Variants in RPGRIP1 observed in about 807,000 individuals in gnomAD.
RPGRIP1 encodes RPGR interacting protein 1.
Under a neutral mutation model 157.9 loss-of-function variants are expected in RPGRIP1, and 128 were observed. That is an observed-to-expected ratio of 0.81 (90% CI 0.70 to 0.94). The LOEUF (loss-of-function observed/expected upper bound fraction) is 0.94. Among genes scored for constraint, RPGRIP1 ranks in the 40% least tolerant of loss-of-function variants. The pLI is 0.00. For synonymous variants in RPGRIP1, 554 were observed against 571.6 expected, an observed-to-expected ratio of 0.97 and a Z score of 0.44; for missense variants, 1,486 against 1,545.8, an observed-to-expected ratio of 0.96 and a Z score of 0.65.
At chr14:21,301,629 A>G (rs1425704158) in intron 4 of RPGRIP1, among the ~76,000 whole-genome samples, 1 of 151,214 alleles carries the variant, frequency 6.6e-6, no homozygotes, top group African/African-American at 2.4e-5. Context: ...GTGAGCTGAG[A>G]TTGCACCACT....
intron 1 of RPGRIP1, 107 bp from the exon 2 acceptor site, chr14:21,287,832 A>G: frequency 1.6e-6 from 1 of 607,432 alleles, no homozygotes; most frequent in South Asian, 2.2e-5. Context: ...CTGACATGTC[A>G]TATACCATCA....
chr14:21,294,557 C>A, intron 2 of RPGRIP1, 120 bp from the exon 3 acceptor site: 1 of 1,007,926 alleles, frequency 9.9e-7, no homozygotes, highest in Non-Finnish European at 1.5e-6. Flanking sequence ...TCCTGATTTC[C>A]TCATAAATAC....
intron 1 of RPGRIP1, among the ~76,000 whole-genome samples, chr14:21,284,827 C>T (rs1594367550): frequency 6.6e-6 from 1 of 152,100 alleles, no homozygotes; most frequent in South Asian, 2.1e-4. Context: ...ACTGCGAATA[C>T]AGGCGTGAAC....
chr14:21,290,631 C>T (rs1228543119), intron 2 of RPGRIP1, among the ~76,000 whole-genome samples: 2 of 152,018 alleles, frequency 1.3e-5, no homozygotes, highest in South Asian at 2.1e-4. Context: ...CTGGCTAACA[C>T]AGTGAAACCT....
In RPGRIP1 at chr14:21,301,098, G is replaced by A; in HGVS notation, c.351G>A (p.Gln117=). The A allele has an allele frequency of 6.2e-7, 1 of 1,611,858 alleles. No homozygotes were observed. Among genetic ancestry groups the A allele is most frequent in the Non-Finnish European group, 8.5e-7 (1 of 1,179,036 alleles). Residue 117 remains glutamine, a synonymous_variant, in exon 4 of 25, where the codon CAG becomes CAA. Transcript: ENST00000400017. ...AGWRQRLSMH[Q]RPQMHRLQGH... ...GGCGGCAGCGCCTCTCCATGCACCA[G>A]CGCCCCCAGATGCACCGACTGCAAG... is the stretch of plus-strand genomic sequence containing the variant.
chr14:21,300,555 T>C (rs1459094069), intron 3 of RPGRIP1, among the ~76,000 whole-genome samples: 1 of 152,072 alleles, frequency 6.6e-6, no homozygotes, highest in Non-Finnish European at 1.5e-5. Context: ...ACAAGTGGGA[T>C]AGAAAAAGCA....
At chr14:21,335,015 C>T (rs530083956) in intron 21 of RPGRIP1, among the ~76,000 whole-genome samples, 8 of 137,962 alleles carry the variant, frequency 5.8e-5, no homozygotes, top group East Asian at 2.1e-4. Context: ...CATTGCACTC[C>T]GGCCTGGGCA....
Position 21,307,744 on chromosome 14 carries a change from G to A in RPGRIP1, c.814G>A (p.Glu272Lys). 1 of 1,560,880 alleles carries A rather than the reference G, an allele frequency of 6.4e-7. No individual in the cohort carries two copies. Among genetic ancestry groups the A allele is most frequent in the Admixed American group, 1.9e-5 (1 of 52,044 alleles). The change falls in exon 7 of 25, where the codon GAG becomes AAG. Residue 272 changes from glutamate (E) to lysine (K), a missense_variant. Transcript: ENST00000400017. ...CTTTCTCTGCAGAGCTTCCATTAAA[G>A]AGAAGGTAGAGCTGATTCGACTTAA... is the stretch of plus-strand genomic sequence containing the variant. ...KAAELRASIKEKVELIRLKKL... is the reference protein window; with the variant it reads ...KAAELRASIKKKVELIRLKKL...
rs1256723060 is a variant in RPGRIP1 at position 21,328,627 on chromosome 14, G to A, written c.3099G>A (p.Glu1033=). 3.1e-6 allele frequency: 5 copies of A among 1,603,072 alleles called. No individual in the cohort carries two copies. The South Asian group carries it at 4.4e-5, about 14-fold the overall frequency. ...SLNILNGNTP[E]QVNYTEWKFS... is the part of the protein sequence containing the mutation. Reference sequence around the variant, plus strand: ...ACATCTTAAATGGAAATACACCAGAGGTAAGACCTTAAAAACTCTGAAGCA... The same window carrying A: ...ACATCTTAAATGGAAATACACCAGAAGTAAGACCTTAAAAACTCTGAAGCA... The change falls in exon 19 of 25, where the codon GAG becomes GAA. Residue 1033 remains glutamate, a splice_region_variant and synonymous_variant. Transcript: ENST00000400017.
At chr14:21,316,889 G>A (rs1215922306) in intron 10 of RPGRIP1, among the ~76,000 whole-genome samples, 1 of 152,118 alleles carries the variant, frequency 6.6e-6, no homozygotes, top group Non-Finnish European at 1.5e-5. Flanking sequence ...GGAGGCCGAG[G>A]CAGGTGGATC....
chr14:21,344,801 C>T (rs1383753808), intron 22 of RPGRIP1, among the ~76,000 whole-genome samples: 1 of 152,064 alleles, frequency 6.6e-6, no homozygotes, highest in Admixed American at 6.6e-5. Context: ...CAAAAATTAG[C>T]CGGGCATGGT....
chr14:21,318,580 A>C (rs953041799), intron 11 of RPGRIP1, among the ~76,000 whole-genome samples: 2 of 152,038 alleles, frequency 1.3e-5, no homozygotes, highest in Admixed American at 6.6e-5. Context: ...GGTTCAAGAG[A>C]TTCTCCTGCC....
At chr14:21,348,344 T>C (rs1374063497) in intron 24 of RPGRIP1, 42 bp downstream of exon 24, 1 of 1,437,862 alleles carries the variant, frequency 7.0e-7, no homozygotes. Context: ...TCCAAGGAAA[T>C]CATCCTAATA....
chr14:21,329,792 G>C (rs536666527), intron 19 of RPGRIP1, among the ~76,000 whole-genome samples: 1 of 149,928 alleles, frequency 6.7e-6, no homozygotes, highest in Non-Finnish European at 1.5e-5. Flanking sequence ...CACCATGCCC[G>C]GCCAACGAGT....
rs118186360 is a variant in RPGRIP1, at chr14:21,291,192, A to G, written c.85+3131A>G. ...GTTTTGCCAATTTTTAAATTGGATT[A>G]TTTGTCTTTATATTGTTGGTTTTAA... On this transcript the variant is annotated intron_variant, in intron 2 of 24. Transcript: ENST00000400017. Among the ~76,000 whole-genome samples, 1,205 of 151,958 alleles carry G rather than the reference A, an allele frequency of 7.9e-3. 11 individuals are homozygous for G. The highest frequency in any genetic ancestry group is 0.011 in the Non-Finnish European group (768 of 67,962).
At chr14:21,300,705 C>CTTTTTTTTTTTT (rs918137131) in intron 3 of RPGRIP1, among the ~76,000 whole-genome samples, 1 of 73,502 alleles carries the variant, frequency 1.4e-5, no homozygotes, top group Non-Finnish European at 2.5e-5. Context: ...AGTGGCTCAA[C>CTTTTTTTTTTTT]TTTTTTTTTT....
intron 21 of RPGRIP1, among the ~76,000 whole-genome samples, chr14:21,338,284 C>G (rs1440962251): frequency 6.6e-6 from 1 of 152,166 alleles, no homozygotes; most frequent in African/African-American, 2.4e-5. Context: ...TCCCAGATTA[C>G]TGTTTCTTTA....
chr14:21,287,214 A>G (rs1880332134), intron 1 of RPGRIP1, among the ~76,000 whole-genome samples: 1 of 152,192 alleles, frequency 6.6e-6, no homozygotes, highest in African/African-American at 2.4e-5. Context: ...TTTTGCCAAC[A>G]TGGCAAAACC....
At chr14:21,317,658 T>C (rs1881902435) in intron 10 of RPGRIP1, 38 bp from the exon 11 acceptor site, 1 of 1,561,996 alleles carries the variant, frequency 6.4e-7, no homozygotes, top group South Asian at 1.2e-5. Context: ...ATCACACCCC[T>C]TGGGGTATCC....
Sources: gnomAD v4.1 joint callset for allele counts (sites outside exome capture counted in the v4.1 genomes callset) on GRCh38, gnomAD v4.1.1 for gene constraint, MANE v1.5 for transcripts, NCBI Gene and HGNC (gene_info 2026-07-23, HGNC 2026-07-21) for gene names.